The following AKAP13 variants were observed in gnomAD, a reference collection of about 807,000 sequenced individuals.
AKAP13 encodes the protein A-kinase anchoring protein 13.
AKAP13 carries 80 observed loss-of-function variants against 264.5 expected under a neutral mutation model. That is an observed-to-expected ratio of 0.30 (90% CI 0.25 to 0.36). The LOEUF is 0.36. Among genes scored for constraint, AKAP13 ranks in the 10% least tolerant of loss-of-function variants. AKAP13 has a pLI of 1.00. For synonymous variants in AKAP13, 1,380 were observed against 1,250.2 expected, an observed-to-expected ratio of 1.10 and a Z score of -2.19; for missense variants, 3,712 against 3,435.2, an observed-to-expected ratio of 1.08 and a Z score of -2.01.
intron 1 of AKAP13, among the ~76,000 whole-genome samples, chr15:85,483,632 C>CAAAA (rs35648447): frequency 6.9e-5 from 4 of 58,000 alleles, no homozygotes; most frequent in African/African-American, 7.6e-5. Flanking sequence ...GACTCCGTCT[C>CAAAA]AAAAAAAAAA....
intron 15 of AKAP13, 125 bp from the exon 16 acceptor site, chr15:85,684,616 C>T: frequency 1.0e-6 from 1 of 982,780 alleles, no homozygotes; most frequent in Non-Finnish European, 1.5e-6. Context: ...GATAACAGAA[C>T]CTGGGCGTTG....
intron 8 of AKAP13, among the ~76,000 whole-genome samples, chr15:85,608,143 T>TGCA (rs57871755): frequency 0.61 from 92,099 of 151,202 alleles, 28,173 homozygotes; most frequent in Middle Eastern, 0.71. Context: ...CTATTCTTTT[T>TGCA]TTGAAGAGAA....
intron 33 of AKAP13, 95 bp downstream of exon 33, chr15:85,736,229 G>A: frequency 9.6e-7 from 1 of 1,045,284 alleles, no homozygotes; most frequent in South Asian, 1.5e-5. Context: ...TCTTTTTGCT[G>A]TTACAAAGAG....
At chr15:85,734,325 T>C (rs2088277027) in intron 30 of AKAP13, among the ~76,000 whole-genome samples, 1 of 152,254 alleles carries the variant, frequency 6.6e-6, no homozygotes, top group South Asian at 2.1e-4. Context: ...GTCTTAAGTT[T>C]ACAGGTTCAG....
At chr15:85,430,516 G>A (rs886567114) in intron 1 of AKAP13, among the ~76,000 whole-genome samples, 2 of 152,228 alleles carry the variant, frequency 1.3e-5, no homozygotes, top group African/African-American at 2.4e-5. Flanking sequence ...AGTGGCTGGC[G>A]GTGGGTTTGT....
intron 2 of AKAP13, among the ~76,000 whole-genome samples, chr15:85,503,095 A>G (rs1405929551): frequency 6.6e-6 from 1 of 152,180 alleles, no homozygotes. Context: ...TTGTTAAAAT[A>G]CTTTAGTACT....
chr15:85,543,863 C>CAAA lies in AKAP13; in HGVS notation c.570_571insAAA (p.Arg190_Gly191insLys). ...TCCTGTTGCAGAAGCCAGGTGGCCG[C>CAAA]GGAGCTCTCAGTATCCACAACCAGG... On this transcript the variant is annotated inframe_insertion, in exon 5 of 37. Coordinates refer to ENST00000394518, the MANE Select transcript of AKAP13 (RefSeq NM_007200.5). 6.2e-7 allele frequency: 1 copy of CAAA among 1,614,110 alleles called. No homozygotes were observed.
chr15:85,683,888 A>G (rs1315682708), intron 15 of AKAP13, among the ~76,000 whole-genome samples: 1 of 152,214 alleles, frequency 6.6e-6, no homozygotes, highest in Non-Finnish European at 1.5e-5. Context: ...GAATCTACAT[A>G]AAACTCCTAA....
chr15:85,706,644 T>C (rs1197580718), intron 17 of AKAP13, among the ~76,000 whole-genome samples: 1 of 152,202 alleles, frequency 6.6e-6, no homozygotes, highest in Non-Finnish European at 1.5e-5. Flanking sequence ...AGCGCATTCA[T>C]CTAATTTTAG....
intron 2 of AKAP13, among the ~76,000 whole-genome samples, chr15:85,508,828 C>A (rs1022369152): frequency 6.6e-6 from 1 of 152,126 alleles, no homozygotes; most frequent in Non-Finnish European, 1.5e-5. Flanking sequence ...CCCTTGCACT[C>A]GATATATTCC....
chr15:85,411,487 G>A (rs1242996879), intron 1 of AKAP13, among the ~76,000 whole-genome samples: 1 of 152,096 alleles, frequency 6.6e-6, no homozygotes, highest in Admixed American at 6.5e-5. Context: ...CCCCAGGCTG[G>A]AGTGTAGTGG....
At chr15:85,562,574 A>AAAAAAAAAATATAT (rs1351834745) in intron 5 of AKAP13, among the ~76,000 whole-genome samples, 1 of 77,684 alleles carries the variant, frequency 1.3e-5, no homozygotes, top group African/African-American at 4.0e-5. Context: ...CAAAAAAAAA[A>AAAAAAAAAATATAT]ATATATATAT....
chr15:85,692,381 A>G (rs1259883266), intron 16 of AKAP13, among the ~76,000 whole-genome samples: 1 of 152,200 alleles, frequency 6.6e-6, no homozygotes, highest in Non-Finnish European at 1.5e-5. Context: ...TAAAAAACAT[A>G]TGAGATGGGT....
chr15:85,436,898 A>T (rs539090687), intron 1 of AKAP13, among the ~76,000 whole-genome samples: 7 of 152,304 alleles, frequency 4.6e-5, no homozygotes, highest in African/African-American at 1.7e-4. Flanking sequence ...TAACATCACA[A>T]TTAAAAGAAC....
intron 1 of AKAP13, among the ~76,000 whole-genome samples, chr15:85,481,462 G>T (rs1769751472): frequency 1.3e-5 from 2 of 152,108 alleles, no homozygotes; most frequent in Admixed American, 1.3e-4. Flanking sequence ...TGAGATAGTT[G>T]TATTAAAATT....
intron 19 of AKAP13, among the ~76,000 whole-genome samples, chr15:85,714,406 G>A (rs338530): frequency 0.94 from 143,397 of 152,294 alleles, 67,573 homozygotes; most frequent in African/African-American, 0.99. Flanking sequence ...ATGTTGTTCA[G>A]GGGTCATCTG....
rs1403776632 is a variant in AKAP13, at chr15:85,433,153, T to G, written c.-12+52355T>G. 3.9e-4 allele frequency among the ~76,000 whole-genome samples: 58 copies of G among 150,494 alleles called. 1 individual carries two copies. Among genetic ancestry groups the G allele is most frequent in the Middle Eastern group, 3.4e-3 (1 of 292 alleles). ...TTTTTTTTTTTTTTGGAGTACTGTT[T>G]TTAAGGGATAGCATCATTTTGTTCT... On this transcript the variant is annotated intron_variant, in intron 1 of 36. Coordinates refer to ENST00000394518, the MANE Select transcript of AKAP13 (RefSeq NM_007200.5).
chr15:85,469,258 C>T (rs768498447), intron 1 of AKAP13, among the ~76,000 whole-genome samples: 16 of 151,658 alleles, frequency 1.1e-4, no homozygotes, highest in South Asian at 6.2e-4. Flanking sequence ...ATGTCATGTG[C>T]GGATATATGT....
intron 3 of AKAP13, among the ~76,000 whole-genome samples, chr15:85,530,180 A>G (rs2077202768): frequency 6.6e-6 from 1 of 152,000 alleles, no homozygotes; most frequent in African/African-American, 2.4e-5. Context: ...GCCCCAACAC[A>G]CACCCATCCC....
Sources: allele counts gnomAD v4.1 joint callset (sites outside exome capture counted in the v4.1 genomes callset), GRCh38; gene constraint gnomAD v4.1.1; transcripts MANE v1.5; gene names NCBI Gene and HGNC (gene_info 2026-07-23, HGNC 2026-07-21).